Variants in LAPTM4A observed in about 807,000 individuals in gnomAD.
LAPTM4A encodes lysosomal-associated transmembrane protein 4A.
In LAPTM4A, 19 loss-of-function variants were observed where a neutral mutation model predicts 29.9. The ratio of observed to expected loss-of-function variants is 0.64; its 90% CI spans 0.44 to 0.93. LAPTM4A has a LOEUF of 0.93. Among genes scored for constraint, LAPTM4A ranks in the 40% least tolerant of loss-of-function variants. The pLI is 0.00. For synonymous variants in LAPTM4A, 105 were observed against 102.1 expected (o/e 1.03, Z -0.17); for missense variants, 293 against 288.5 (o/e 1.02, Z -0.11).
In LAPTM4A at chr2:20,033,170, C is replaced by T; in HGVS notation, c.*35G>A. On this transcript the variant is annotated 3_prime_UTR_variant, in exon 7 of 7. Coordinates refer to ENST00000175091, the MANE Select transcript of LAPTM4A (RefSeq NM_014713.5). ...TTCTGTAACATAAACAAACAAAAAGCTGGTATAGGATTTATTGTCAAAGGC... is the reference window on the plus strand; with the variant it reads ...TTCTGTAACATAAACAAACAAAAAGTTGGTATAGGATTTATTGTCAAAGGC... The T allele has an allele frequency of 1.3e-6, 2 of 1,533,114 alleles. No individual in the cohort carries two copies. The highest frequency in any genetic ancestry group is 2.2e-5 in the South Asian group (2 of 89,454). The allele number at this position is 1,533,114 out of a possible 1,614,324, so 95.0% of individuals were successfully genotyped here.
Position 20,037,515 on chromosome 2 carries a change from A to G in LAPTM4A, c.309+23T>C. ...AGCTCCCCTAAGGTCAAACTCTAAA[A>G]GATGAAAATACAGTATACTTACAGA... On this transcript the variant is annotated intron_variant, in intron 3 of 6. Transcript: ENST00000175091. 2.5e-6 allele frequency: 4 copies of G among 1,602,746 alleles called. No homozygotes were observed. In the African/African-American group the frequency reaches 5.4e-5, roughly 22 times the overall value.
intron 5 of LAPTM4A, 128 bp downstream of exon 5, chr2:20,034,839 T>C: frequency 1.5e-6 from 1 of 682,138 alleles, no homozygotes. Flanking sequence ...TCTCTGCTCA[T>C]GTGCCAGAAT....
chr2:20,032,989 T>A lies in LAPTM4A; in HGVS notation c.*216A>T, dbSNP rs537713114. On this transcript the variant is annotated 3_prime_UTR_variant, in exon 7 of 7. Coordinates refer to ENST00000175091, the MANE Select transcript of LAPTM4A (RefSeq NM_014713.5). ...CACTTTGCTCTTGCTTAACCTAGAT[T>A]GTCTTCAAAAACTATTAAAATGTAA... 42 of 543,112 alleles carry A rather than the reference T, an allele frequency of 7.7e-5. No individual in the cohort carries two copies. Among genetic ancestry groups the A allele is most frequent in the Non-Finnish European group, 1.3e-4 (40 of 305,380 alleles). 33.6% of individuals were successfully genotyped at this position (543,112 alleles called of 1,614,324 possible).
chr2:20,042,810 A>C (rs550589063), intron 1 of LAPTM4A, among the ~76,000 whole-genome samples: 37 of 152,344 alleles, frequency 2.4e-4, no homozygotes, highest in Middle Eastern at 6.8e-3. Flanking sequence ...CTCAAGACAG[A>C]AATCTCACGT....
intron 1 of LAPTM4A, among the ~76,000 whole-genome samples, chr2:20,047,316 A>T (rs1673947821): frequency 6.8e-6 from 1 of 147,218 alleles, no homozygotes; most frequent in Non-Finnish European, 1.5e-5. Flanking sequence ...TGAACCTGGG[A>T]GGCGGAGGTT....
rs965306380 is a variant in LAPTM4A, at chr2:20,037,431, A to T, written c.317T>A (p.Val106Glu). ...ACAGAAGAATGGAATCAGCCAACCCACTTGATACTGGAGAAAAAATAACAA... is the reference window on the plus strand; with the variant it reads ...ACAGAAGAATGGAATCAGCCAACCCTCTTGATACTGGAGAAAAAATAACAA... ...MLVYGAISYQ[V>E]GWLIPFFCYR... Residue 106 changes from valine (V) to glutamate (E), a missense_variant, in exon 4 of 7, where the codon GTG (valine) becomes GAG (glutamate). Physicochemically the swap from Val to Glu is moderately radical, Grantham distance 121 (BLOSUM62 -2). Transcript: ENST00000175091. 2 of 1,608,792 alleles carry T rather than the reference A, an allele frequency of 1.2e-6. No homozygotes were observed. Among genetic ancestry groups the T allele is most frequent in the Non-Finnish European group, 1.7e-6 (2 of 1,178,596 alleles).
rs144818320 is a variant in LAPTM4A at position 20,051,480 on chromosome 2, A to C, written c.41T>G (p.Phe14Cys). Reference sequence around the variant, plus strand: ...ACAGCCGCAGCACCGGGTGCTGTAGAACCGGTCACTGCGGTTCCGCTTGAA... The same window carrying C: ...ACAGCCGCAGCACCGGGTGCTGTAGCACCGGTCACTGCGGTTCCGCTTGAA... ...MSFKRNRSDR[F>C]YSTRCCGCCH... is the part of the protein sequence containing the mutation. The change falls in exon 1 of 7, where the codon TTC becomes TGC. Residue 14 changes from phenylalanine to cysteine, a missense_variant. Physicochemically the swap from Phe to Cys is radical, Grantham distance 205. Coordinates refer to ENST00000175091, the MANE Select transcript of LAPTM4A (RefSeq NM_014713.5). 18 of 1,613,034 alleles carry C rather than the reference A, an allele frequency of 1.1e-5. No individual in the cohort carries two copies. The highest frequency in any genetic ancestry group is 1.5e-5 in the Non-Finnish European group (18 of 1,179,562).
chr2:20,049,104 G>A (rs1172897835), intron 1 of LAPTM4A, among the ~76,000 whole-genome samples: 1 of 152,046 alleles, frequency 6.6e-6, no homozygotes, highest in Admixed American at 6.5e-5. Flanking sequence ...TCATATCTGT[G>A]CTCCAAGTTT....
chr2:20,033,760 G>A (rs545024150), intron 6 of LAPTM4A, among the ~76,000 whole-genome samples: 17 of 152,160 alleles, frequency 1.1e-4, no homozygotes, highest in Non-Finnish European at 2.9e-5. Context: ...CTATGCAGTG[G>A]AGGAGTGACA....
intron 2 of LAPTM4A, among the ~76,000 whole-genome samples, chr2:20,039,693 A>G (rs537512317): frequency 6.6e-6 from 1 of 152,230 alleles, no homozygotes; most frequent in Non-Finnish European, 1.5e-5. Context: ...CAGTTGGGAC[A>G]ACAAAGTAAG....
At position 20,041,101 on chromosome 2, in the gene LAPTM4A, T is replaced by G; in HGVS notation, c.112-90A>C. On this transcript the variant is annotated intron_variant, in intron 1 of 6. Transcript: ENST00000175091. ...CTAGATGTCCTCTCATATTTAAGAT[T>G]GTCTTACTTGAAGTAACAAAGATAT... 3 of 1,299,342 alleles carry G rather than the reference T, an allele frequency of 2.3e-6. No individual in the cohort carries two copies. In the South Asian group the frequency reaches 4.0e-5, roughly 17 times the overall value. The allele number at this position is 1,299,342 out of a possible 1,614,324, so 80.5% of individuals were successfully genotyped here. A position where few individuals can be genotyped will look rare whatever the true frequency, so the allele number is the denominator to read the frequency against.
chr2:20,038,513 C>A (rs1043716703), intron 2 of LAPTM4A, among the ~76,000 whole-genome samples: 1 of 152,074 alleles, frequency 6.6e-6, no homozygotes, highest in Non-Finnish European at 1.5e-5. Context: ...GCAACCTCAA[C>A]CTCCCAGGTT....
intron 2 of LAPTM4A, among the ~76,000 whole-genome samples, chr2:20,039,181 T>C (rs111333415): frequency 0.013 from 2,032 of 152,256 alleles, 44 homozygotes; most frequent in African/African-American, 0.047. Context: ...CCTCCCAAAG[T>C]GATGGGATTA....
intron 5 of LAPTM4A, among the ~76,000 whole-genome samples, 186 bp from the exon 6 acceptor site, chr2:20,034,601 C>T (rs982675803): frequency 2.6e-5 from 4 of 152,294 alleles, no homozygotes; most frequent in East Asian, 1.9e-4. Context: ...TGAGTTTCAT[C>T]GCCAACATTT....
Position 20,035,060 on chromosome 2 carries a change from A to G in LAPTM4A, c.435T>C (p.Pro145=). The G allele has an allele frequency of 6.2e-7, 1 of 1,605,166 alleles. No individual in the cohort carries two copies. The highest frequency in any genetic ancestry group is 2.2e-5 in the East Asian group (1 of 44,556). The change falls in exon 5 of 7, where the codon CCT becomes CCC. Residue 145 remains proline, a splice_region_variant and synonymous_variant. Transcript: ENST00000175091. ...PRIKEYLDQL[P]DFPYKDDLLA... ...GGAGGTCATCTTTGTAGGGAAAATC[A>G]GGCTATTAAAGAAACACACACACAT...
intron 1 of LAPTM4A, among the ~76,000 whole-genome samples, chr2:20,047,413 G>A (rs1202458578): frequency 1.4e-5 from 2 of 147,500 alleles, no homozygotes; most frequent in Non-Finnish European, 3.0e-5. Flanking sequence ...AAAAAAGGCC[G>A]GGCGCGGTGG....
At position 20,034,990 on chromosome 2, in the gene LAPTM4A, A is replaced by G; in HGVS notation, c.505T>C (p.Phe169Leu). The change falls in exon 5 of 7, where the codon TTT becomes CTT. Residue 169 changes from phenylalanine (F) to leucine (L), a missense_variant. Transcript: ENST00000175091. ...ACCTTAAAAATGATGAATAAGGCAA[A>G]GAACACAAGAACAATGAACAGGAGG... ...SCLLFIVLVF[F>L]ALFIIFKAYL... 6.2e-7 allele frequency: 1 copy of G among 1,612,300 alleles called. No individual in the cohort carries two copies.
In LAPTM4A at chr2:20,035,018, G is replaced by A; in HGVS notation, c.477C>T (p.Ser159=). The part of the protein sequence containing the change: ...YKDDLLALDS[S]CLLFIVLVFF... ...ACACAAGAACAATGAACAGGAGGCA[G>A]CTGGAGTCCAAGGCCAGGAGGTCAT... is the stretch of plus-strand genomic sequence containing the variant. The change falls in exon 5 of 7, where the codon AGC becomes AGT. Residue 159 remains serine, a synonymous_variant. Coordinates refer to ENST00000175091, the MANE Select transcript of LAPTM4A (RefSeq NM_014713.5). 1 of 1,613,028 alleles carries A rather than the reference G, an allele frequency of 6.2e-7. No individual in the cohort carries two copies.
At chr2:20,047,220 T>G (rs1251608225) in intron 1 of LAPTM4A, among the ~76,000 whole-genome samples, 2 of 150,182 alleles carry the variant, frequency 1.3e-5, no homozygotes, top group Non-Finnish European at 3.0e-5. Context: ...AAACCCCGTC[T>G]CTACTAAAAT....
Sources: gnomAD v4.1 joint callset for allele counts (sites outside exome capture counted in the v4.1 genomes callset) on GRCh38, gnomAD v4.1.1 for gene constraint, MANE v1.5 for transcripts, NCBI Gene and HGNC (gene_info 2026-07-23, HGNC 2026-07-21) for gene names.